SLC44A2: variants seen among roughly 807,000 people sequenced by gnomAD.
The protein encoded by SLC44A2 is solute carrier family 44 member 2 (CTL2 blood group).
Under a neutral mutation model 90.8 loss-of-function variants are expected in SLC44A2, and 57 were observed. The observed-to-expected ratio is 0.63, with a 90% CI of 0.51 to 0.78. SLC44A2 has a LOEUF of 0.78. SLC44A2 is among the 30% of genes least tolerant of loss of function. The probability of loss-of-function intolerance (pLI) is 0.00; values close to 1 mark genes in which losing one functional copy is unlikely to be tolerated. For synonymous variants in SLC44A2, 355 were observed against 360.7 expected (o/e 0.98, Z 0.18); for missense variants, 794 against 919.7 (o/e 0.86, Z 1.77).
intron 1 of SLC44A2, among the ~76,000 whole-genome samples, chr19:10,617,739 A>G (rs183320093): frequency 6.6e-6 from 1 of 152,138 alleles, no homozygotes; most frequent in Non-Finnish European, 1.5e-5. Flanking sequence ...TCTCTCTCCT[A>G]TAAAATGGGT....
At chr19:10,618,066 G>C (rs1282352825) in intron 1 of SLC44A2, among the ~76,000 whole-genome samples, 1 of 152,020 alleles carries the variant, frequency 6.6e-6, no homozygotes, top group Admixed American at 6.6e-5. Flanking sequence ...GTGCAGTGGC[G>C]TGATCTCGGC....
rs761524816 is a variant in SLC44A2 at position 10,626,276 on chromosome 19, A to G, written c.61A>G (p.Thr21Ala). Residue 21 changes from threonine to alanine, a missense_variant, in exon 2 of 22, where the codon ACT becomes GCT. Transcript: ENST00000335757. ...AGGAACGCCACAGAAGTATGATCCC[A>G]CTTTCAAAGGACCCATTTACAATAG... ...KHGTPQKYDP[T>A]FKGPIYNRGC... 6.2e-7 allele frequency: 1 copy of G among 1,613,560 alleles called. No homozygotes were observed. The highest frequency in any genetic ancestry group is 8.5e-7 in the Non-Finnish European group (1 of 1,179,546).
At chr19:10,638,619 A>T (rs1456425011) in intron 20 of SLC44A2, among the ~76,000 whole-genome samples, 1 of 150,340 alleles carries the variant, frequency 6.7e-6, no homozygotes, top group East Asian at 2.0e-4. Context: ...TAATTTTTGT[A>T]TATTTATTTT....
intron 2 of SLC44A2, among the ~76,000 whole-genome samples, chr19:10,626,545 C>CTGGG (rs2066935902): frequency 1.3e-5 from 2 of 150,476 alleles, no homozygotes; most frequent in Admixed American, 1.3e-4. Flanking sequence ...TCCCAAGTAG[C>CTGGG]TGGGATTACA....
intron 21 of SLC44A2, chr19:10,642,978 G>T (rs759699790): frequency 6.3e-7 from 1 of 1,583,696 alleles, no homozygotes; most frequent in Non-Finnish European, 8.5e-7. Flanking sequence ...CTGTTGAAGG[G>T]GAGTGCGGAG....
chr19:10,620,017 A>C (rs1424964239), intron 1 of SLC44A2, among the ~76,000 whole-genome samples: 1 of 152,066 alleles, frequency 6.6e-6, no homozygotes. Flanking sequence ...ACAAAAAAAA[A>C]TCCAAAAATA....
Position 10,636,646 on chromosome 19 carries a change from C to G in SLC44A2, c.1497-16C>G. On this transcript the variant is annotated splice_polypyrimidine_tract_variant and intron_variant, in intron 15 of 21. Coordinates refer to ENST00000335757, the MANE Select transcript of SLC44A2 (RefSeq NM_020428.4). ...CGAGGCCTGGCCCAGCCACCGACCA[C>G]TCCCTCGGCCCGCAGGTACCACACA... 1 of 1,610,976 alleles carries G rather than the reference C, an allele frequency of 6.2e-7. No homozygotes were observed. Among genetic ancestry groups the G allele is most frequent in the East Asian group, 2.2e-5 (1 of 44,760 alleles).
Position 10,610,476 on chromosome 19 carries a change from C to G in SLC44A2, c.31+7915C>G, listed in dbSNP as rs567100379. ...CCTCCCGAGTAGCTGGGATTACAGG[C>G]GCCCGCCACCATGCCCGGCTGATTT... is the stretch of plus-strand genomic sequence containing the variant. On this transcript the variant is annotated intron_variant, in intron 1 of 21. Transcript: ENST00000407327. Among the ~76,000 whole-genome samples, 9 of 149,186 alleles carry G rather than the reference C, an allele frequency of 6.0e-5. No homozygotes were observed. In the East Asian group the frequency reaches 1.4e-3, roughly 23 times the overall value.
chr19:10,602,807 G>T (rs991941873), intron 1 of SLC44A2, among the ~76,000 whole-genome samples: 5 of 152,156 alleles, frequency 3.3e-5, no homozygotes, highest in Admixed American at 3.3e-4. Flanking sequence ...CGCATGCTCC[G>T]CCCGGGGAGG....
At chr19:10,637,371 G>T (rs2067069252) in intron 16 of SLC44A2, among the ~76,000 whole-genome samples, 1 of 152,018 alleles carries the variant, frequency 6.6e-6, no homozygotes, top group Admixed American at 6.6e-5. Context: ...AAAAAAAACT[G>T]GTTTATTTTT....
Position 10,604,479 on chromosome 19 carries a change from G to A in SLC44A2, c.31+1918G>A, listed in dbSNP as rs549298367. 9.9e-5 allele frequency among the ~76,000 whole-genome samples: 15 copies of A among 152,284 alleles called. No individual in the cohort carries two copies. In the South Asian group the frequency reaches 2.5e-3, roughly 25 times the overall value. On this transcript the variant is annotated intron_variant, in intron 1 of 21. Coordinates refer to the SLC44A2 transcript ENST00000407327. ...TGGGGGCCTTGGACTGGCCCATGAC[G>A]TCCCTGATAGATGAAGGGAGCTTTC...
chr19:10,605,696 A>G (rs1461183652), intron 1 of SLC44A2, among the ~76,000 whole-genome samples: 1 of 150,174 alleles, frequency 6.7e-6, no homozygotes, highest in East Asian at 2.0e-4. Flanking sequence ...CAAAAAAAAA[A>G]AAGGACTCTT....
intron 2 of SLC44A2, among the ~76,000 whole-genome samples, chr19:10,626,640 C>T (rs1164277939): frequency 4.0e-5 from 6 of 150,350 alleles, no homozygotes; most frequent in South Asian, 2.1e-4. Context: ...ATGCTGGTCT[C>T]GACCTCGTGA....
At position 10,643,488 on chromosome 19, in the gene SLC44A2, G is replaced by A; in HGVS notation, c.*103G>A. The A allele has an allele frequency of 7.5e-7, 1 of 1,333,312 alleles. No homozygotes were observed. Among genetic ancestry groups the A allele is most frequent in the East Asian group, 2.6e-5 (1 of 39,010 alleles). 82.6% of individuals were successfully genotyped at this position (1,333,312 alleles called of 1,614,324 possible). ...TGGGCTCACCTGAAGTCCTATCACT[G>A]CCGCTCTGCCCCTCCCCATGAGCCA... On this transcript the variant is annotated 3_prime_UTR_variant, in exon 22 of 22. Coordinates refer to ENST00000335757, the MANE Select transcript of SLC44A2 (RefSeq NM_020428.4).
Position 10,626,302 on chromosome 19 carries a change from G to C in SLC44A2, c.86+1G>C. ...CTTTCAAAGGACCCATTTACAATAG[G>C]TAAGAGCTCTGGGTTTTGGGGGGTT... On this transcript the variant is annotated splice_donor_variant, in intron 2 of 21. Transcript: ENST00000335757. LOFTEE classifies it high-confidence loss of function. The C allele has an allele frequency of 6.2e-7, 1 of 1,611,202 alleles. No individual in the cohort carries two copies. The highest frequency in any genetic ancestry group is 8.5e-7 in the Non-Finnish European group (1 of 1,177,408).
chr19:10,609,223 TGA>T (rs1238119884), intron 1 of SLC44A2, among the ~76,000 whole-genome samples: 3 of 152,112 alleles, frequency 2.0e-5, no homozygotes, highest in African/African-American at 7.2e-5. Flanking sequence ...CCCAAAGTGC[TGA>T]GATTACAAGC....
chr19:10,604,927 T>A (rs1031097881), intron 1 of SLC44A2, among the ~76,000 whole-genome samples: 2 of 152,092 alleles, frequency 1.3e-5, no homozygotes, highest in Non-Finnish European at 2.9e-5. Context: ...GGGAAATGGC[T>A]CTGGGCCCCG....
chr19:10,628,361 GGGGCA>G (rs2066956989), intron 4 of SLC44A2, among the ~76,000 whole-genome samples: 1 of 152,142 alleles, frequency 6.6e-6, no homozygotes, highest in East Asian at 1.9e-4. Context: ...ACTTTAGCCT[GGGGCA>G]CAGAGTGAGA....
chr19:10,625,504 C>T, upstream of SLC44A2: 1 of 1,223,154 alleles, frequency 8.2e-7, no homozygotes, highest in Non-Finnish European at 1.0e-6. Flanking sequence ...CGGTTTGGGC[C>T]GCCCCGCCTG....
Sources: allele counts gnomAD v4.1 joint callset (sites outside exome capture counted in the v4.1 genomes callset), GRCh38; gene constraint gnomAD v4.1.1; transcripts MANE v1.5; gene names NCBI Gene and HGNC (gene_info 2026-07-23, HGNC 2026-07-21).